Variants in MYOCD observed in about 807,000 individuals in gnomAD.
The protein encoded by MYOCD is myocardin.
A neutral mutation model predicts 96.1 loss-of-function variants in MYOCD; 32 were observed. The observed-to-expected ratio is 0.33, with a 90% CI of 0.25 to 0.45. The LOEUF (loss-of-function observed/expected upper bound fraction) is 0.45. MYOCD is among the 20% of genes least tolerant of loss of function. The pLI, the probability that MYOCD is intolerant of heterozygous loss-of-function variation, is 1.00. For synonymous variants in MYOCD, 469 were observed against 469.0 expected (o/e 1.00, Z 0.00); for missense variants, 1,133 against 1,200.6 (o/e 0.94, Z 0.83).
At chr17:12,762,853 T>A in intron 13 of MYOCD, 1 of 525,028 alleles carries the variant, frequency 1.9e-6, no homozygotes, top group Non-Finnish European at 3.3e-6. Context: ...GAGAAGAGAG[T>A]TTAATAATCA....
At chr17:12,744,000 A>G (rs896632323) in intron 7 of MYOCD, among the ~76,000 whole-genome samples, 183 bp from the exon 8 acceptor site, 2 of 152,172 alleles carry the variant, frequency 1.3e-5, no homozygotes, top group Non-Finnish European at 2.9e-5. Context: ...TACATTTGCA[A>G]TGGATTTGTT....
In MYOCD at chr17:12,729,244, G is replaced by A. The variant is rs530703731; in HGVS notation, c.415+6236G>A. On this transcript the variant is annotated intron_variant, in intron 5 of 13. Transcript: ENST00000425538. The stretch of plus-strand genomic sequence containing the variant: ...CACCCTTGGGGTAAAGAAACACACT[G>A]AGGCATACGTGACAAATACTTTGCT... Among the ~76,000 whole-genome samples, 8 of 152,318 alleles carry A rather than the reference G, an allele frequency of 5.3e-5. No individual in the cohort carries two copies. In the South Asian group the frequency reaches 1.7e-3, roughly 32 times the overall value.
At chr17:12,686,689 G>T (rs1025864794) in intron 1 of MYOCD, among the ~76,000 whole-genome samples, 10 of 152,186 alleles carry the variant, frequency 6.6e-5, no homozygotes, top group African/African-American at 2.4e-4. Flanking sequence ...GTTGCCAAGG[G>T]CACTGGTTGC....
chr17:12,756,272 G>T, intron 10 of MYOCD, 142 bp from the exon 11 acceptor site: 2 of 957,752 alleles, frequency 2.1e-6, no homozygotes, highest in Non-Finnish European at 3.2e-6. Flanking sequence ...CAGATTTTAG[G>T]CAAGTTCATC....
At chr17:12,686,128 A>G (rs1183953394) in intron 1 of MYOCD, among the ~76,000 whole-genome samples, 1 of 152,234 alleles carries the variant, frequency 6.6e-6, no homozygotes, top group Non-Finnish European at 1.5e-5. Context: ...AAATATTGTA[A>G]TCTCATGGGA....
At chr17:12,673,862 C>A (rs1476000282) in intron 1 of MYOCD, among the ~76,000 whole-genome samples, 1 of 152,190 alleles carries the variant, frequency 6.6e-6, no homozygotes, top group East Asian at 1.9e-4. Flanking sequence ...CTCAGAGTAA[C>A]CTTGGGTACT....
Position 12,756,424 on chromosome 17 carries a change from C to T in MYOCD, c.2069C>T (p.Ala690Val). 1 of 1,552,168 alleles carries T rather than the reference C, an allele frequency of 6.4e-7. No homozygotes were observed. The highest frequency in any genetic ancestry group is 8.7e-7 in the Non-Finnish European group (1 of 1,147,124). Residue 690 changes from alanine to valine, a missense_variant, in exon 11 of 14, where the codon GCA (alanine) becomes GTA (valine). Ala to Val is a moderately conservative substitution (Grantham distance 64). Transcript: ENST00000425538. ...CTTCTTCCTTTGCAGAACTCAGGAGCACACGATGGCCATCCTCCAAGCTTC... is the reference window on the plus strand; with the variant it reads ...CTTCTTCCTTTGCAGAACTCAGGAGTACACGATGGCCATCCTCCAAGCTTC... ...SQVCTAQNSG[A>V]HDGHPPSFSP...
At chr17:12,690,293 A>T (rs1226016469) in intron 1 of MYOCD, among the ~76,000 whole-genome samples, 3 of 152,218 alleles carry the variant, frequency 2.0e-5, no homozygotes, top group Middle Eastern at 3.2e-3. Flanking sequence ...ATATAATGAG[A>T]TACCATTGTT....
chr17:12,745,868 A>G (rs560552010), intron 8 of MYOCD, 51 bp from the exon 9 acceptor site: 56 of 1,595,512 alleles, frequency 3.5e-5, no homozygotes, highest in Non-Finnish European at 4.8e-5. Context: ...AATGCAAGTT[A>G]TCCCACCAAT....
intron 1 of MYOCD, among the ~76,000 whole-genome samples, chr17:12,700,144 C>T (rs142583543): frequency 0.1 from 15,253 of 151,780 alleles, 789 homozygotes; most frequent in Middle Eastern, 0.14. Flanking sequence ...CTCCTGACCT[C>T]GTGATCCACT....
At chr17:12,760,927 A>T in intron 13 of MYOCD, 1 of 493,872 alleles carries the variant, frequency 2.0e-6, no homozygotes, top group Non-Finnish European at 3.7e-6. Flanking sequence ...AGCATTTTTC[A>T]GCAATCATTT....
chr17:12,730,502 A>G, intron 5 of MYOCD, among the ~76,000 whole-genome samples: 1 of 151,974 alleles, frequency 6.6e-6, no homozygotes, highest in African/African-American at 2.4e-5. Flanking sequence ...GGATCTGAGT[A>G]AAAAAAATTA....
chr17:12,738,749 C>T (rs1597795632), intron 6 of MYOCD, among the ~76,000 whole-genome samples: 1 of 151,896 alleles, frequency 6.6e-6, no homozygotes, highest in African/African-American at 2.4e-5. Context: ...CAAATTCCTA[C>T]ACTCACTCTT....
chr17:12,666,302 C>G lies in MYOCD; in HGVS notation c.55+59C>G, dbSNP rs550086478. The stretch of plus-strand genomic sequence containing the variant: ...CTTTCCTCTTCTGCAATTCTCAACT[C>G]TAGAACTGCTTTCCAATAAATGTTT... On this transcript the variant is annotated intron_variant, in intron 1 of 13. Coordinates refer to ENST00000425538, the MANE Select transcript of MYOCD (RefSeq NM_001146312.3). 377 of 1,209,810 alleles carry G rather than the reference C, an allele frequency of 3.1e-4. 3 individuals are homozygous for G. In the South Asian group the frequency reaches 4.2e-3, roughly 14 times the overall value. The allele number at this position is 1,209,810 out of a possible 1,614,324, so 74.9% of individuals were successfully genotyped here.
At chr17:12,703,215 A>G (rs2031153972) in intron 1 of MYOCD, among the ~76,000 whole-genome samples, 1 of 151,932 alleles carries the variant, frequency 6.6e-6, no homozygotes, top group Non-Finnish European at 1.5e-5. Context: ...TTCTGTGGCT[A>G]TGTAAATCAA....
At chr17:12,681,156 G>A (rs2150640886) in intron 1 of MYOCD, among the ~76,000 whole-genome samples, 1 of 152,310 alleles carries the variant, frequency 6.6e-6, no homozygotes, top group East Asian at 1.9e-4. Flanking sequence ...CTGCTACCCT[G>A]TACTGCTTCG....
chr17:12,703,375 T>C (rs1341250127), intron 1 of MYOCD, among the ~76,000 whole-genome samples: 3 of 152,118 alleles, frequency 2.0e-5, no homozygotes, highest in African/African-American at 7.2e-5. Flanking sequence ...CTTTTGAATC[T>C]GTACATTTTT....
chr17:12,699,765 C>T (rs1045866260), intron 1 of MYOCD, among the ~76,000 whole-genome samples: 13 of 152,150 alleles, frequency 8.5e-5, no homozygotes, highest in African/African-American at 2.2e-4. Context: ...AAGTGTGCTA[C>T]GGACCCATAC....
At chr17:12,680,381 G>A (rs946298741) in intron 1 of MYOCD, among the ~76,000 whole-genome samples, 21 of 152,174 alleles carry the variant, frequency 1.4e-4, no homozygotes, top group African/African-American at 4.6e-4. Context: ...CTAAGGTATA[G>A]AAACGGGAAT....
Sources: allele counts gnomAD v4.1 joint callset (sites outside exome capture counted in the v4.1 genomes callset), GRCh38; gene constraint gnomAD v4.1.1; transcripts MANE v1.5; gene names NCBI Gene and HGNC (gene_info 2026-07-23, HGNC 2026-07-21).